FAM53B: variants seen among roughly 807,000 people sequenced by gnomAD.
The protein encoded by FAM53B is family with sequence similarity 53 member B, also known as protein FAM53B.
A neutral mutation model predicts 32.7 loss-of-function variants in FAM53B; 12 were observed. The ratio of observed to expected loss-of-function variants is 0.37; its 90% CI spans 0.24 to 0.59. The LOEUF (loss-of-function observed/expected upper bound fraction) is 0.59, where lower values mean the gene tolerates loss of function less well. Ranked by LOEUF, FAM53B falls within the 20% of genes least tolerant of loss-of-function variation. The pLI, the probability that FAM53B is intolerant of heterozygous loss-of-function variation, is 0.72. For missense variants in FAM53B, 477 were observed against 577.7 expected, an observed-to-expected ratio of 0.83 and a Z score of 1.79; for synonymous variants, 234 against 228.7, an observed-to-expected ratio of 1.02 and a Z score of -0.21.
chr10:124,689,796 A>G (rs554019779), intron 3 of FAM53B, among the ~76,000 whole-genome samples: 1 of 152,366 alleles, frequency 6.6e-6, no homozygotes, highest in South Asian at 2.1e-4. Flanking sequence ...AGATCCTCAC[A>G]GTTAAAAACC....
chr10:124,681,902 C>T lies in FAM53B; in HGVS notation c.611G>A (p.Cys204Tyr), dbSNP rs139630497. 1.1e-5 allele frequency: 18 copies of T among 1,613,806 alleles called. No homozygotes were observed. In the African/African-American group the frequency reaches 2.4e-4, roughly 22 times the overall value. Residue 204 changes from cysteine to tyrosine, a missense_variant, in exon 4 of 5, where the codon TGT (cysteine) becomes TAT (tyrosine). Physicochemically the swap from Cys to Tyr is radical, Grantham distance 194. Transcript: ENST00000337318. ...PCQGVPGSAP[C>Y]GQAGDTWSPD... is the part of the protein sequence containing the mutation. ...GCTCCAGGTGTCACCTGCCTGTCCA[C>T]ACGGGGCTGAGCCTGGCACCCCTTG...
At chr10:124,644,945 G>A (rs754205314) in intron 4 of FAM53B, among the ~76,000 whole-genome samples, 2 of 152,184 alleles carry the variant, frequency 1.3e-5, no homozygotes, top group Non-Finnish European at 2.9e-5. Context: ...AGTTCTGAGG[G>A]GCCTGCCTCT....
chr10:124,740,708 G>T (rs182337669), intron 1 of FAM53B, among the ~76,000 whole-genome samples: 1 of 152,338 alleles, frequency 6.6e-6, no homozygotes, highest in Admixed American at 6.5e-5. Flanking sequence ...CGTTGGACAA[G>T]TTTAAACAGA....
chr10:124,667,050 A>T, intron 4 of FAM53B: 1 of 277,402 alleles, frequency 3.6e-6, no homozygotes. Context: ...CCACACTCTT[A>T]TACCCGTACC....
Position 124,623,512 on chromosome 10 carries a change from G to C in FAM53B, c.999C>G (p.Thr333=). 6.3e-7 allele frequency: 1 copy of C among 1,595,516 alleles called. No individual in the cohort carries two copies. Among genetic ancestry groups the C allele is most frequent in the Non-Finnish European group, 8.5e-7 (1 of 1,171,844 alleles). The change falls in exon 5 of 5, where the codon ACC becomes ACG. Residue 333 remains threonine (T), a synonymous_variant. Coordinates refer to ENST00000337318, the MANE Select transcript of FAM53B (RefSeq NM_014661.4). The part of the protein sequence containing the change: ...QSPFARHVSN[T]RAWTALLSAS... ...CTGAGAGCAGGGCGGTCCAGGCCCT[G>C]GTGTTGCTGACGTGGCGGGCGAAGG...
rs1949557211 is a variant in FAM53B, at chr10:124,651,658, A to G, written c.907-28054T>C. 1.3e-5 allele frequency among the ~76,000 whole-genome samples: 2 copies of G among 151,496 alleles called. No homozygotes were observed. Among genetic ancestry groups the G allele is most frequent in the African/African-American group, 4.9e-5 (2 of 41,168 alleles). On this transcript the variant is annotated intron_variant, in intron 4 of 4. Transcript: ENST00000337318. This position sits in a 1 kb window ranked among gnomAD's most constrained non-coding sequence, Gnocchi z 5.2. ...CTCCTCATTTCCTCCTCAGGGGAGC[A>G]CTGTGGAGACTGTCAGCTGACTTCC...
At chr10:124,725,432 G>GA (rs1335209642) in intron 1 of FAM53B, among the ~76,000 whole-genome samples, 20 of 152,350 alleles carry the variant, frequency 1.3e-4, no homozygotes, top group Non-Finnish European at 2.2e-4. Flanking sequence ...ACTGCACGGA[G>GA]ACACTGATTT....
chr10:124,730,874 G>A (rs1950138187), intron 1 of FAM53B, among the ~76,000 whole-genome samples: 1 of 152,176 alleles, frequency 6.6e-6, no homozygotes, highest in African/African-American at 2.4e-5. Context: ...TAAAGGGCCA[G>A]GCAATAAATA....
At position 124,705,394 on chromosome 10, in the gene FAM53B, G is replaced by A. The variant is rs542499132; in HGVS notation, c.78+1242C>T. 1.1e-4 allele frequency among the ~76,000 whole-genome samples: 16 copies of A among 152,352 alleles called. No homozygotes were observed. In the East Asian group the frequency reaches 1.5e-3, roughly 15 times the overall value. On this transcript the variant is annotated intron_variant, in intron 2 of 4. Coordinates refer to ENST00000337318, the MANE Select transcript of FAM53B (RefSeq NM_014661.4). ...GTAAAACAAGGAGGCTGGACCCAAC[G>A]GTTTCTAAGCCACTTCTTCTCACCC... is the stretch of plus-strand genomic sequence containing the variant.
At chr10:124,689,279 A>T (rs954022894) in intron 3 of FAM53B, among the ~76,000 whole-genome samples, 2 of 151,974 alleles carry the variant, frequency 1.3e-5, no homozygotes, top group Non-Finnish European at 2.9e-5. Flanking sequence ...GGTGGGGGGG[A>T]CACAAGCAGG....
chr10:124,643,466 C>T (rs979646884), intron 4 of FAM53B, among the ~76,000 whole-genome samples: 14 of 152,256 alleles, frequency 9.2e-5, no homozygotes, highest in East Asian at 1.9e-4. Context: ...TACAGGTCCA[C>T]TTAAATCAGT....
chr10:124,641,987 C>T (rs923115266), intron 4 of FAM53B, among the ~76,000 whole-genome samples: 9 of 152,236 alleles, frequency 5.9e-5, no homozygotes, highest in Admixed American at 1.3e-4. Context: ...GGTCACCCAG[C>T]TGGAGAGCCG....
In FAM53B at chr10:124,626,609, G is replaced by A. The variant is rs1315801551; in HGVS notation, c.907-3005C>T. ...TGGCACCTGGATCTTGGACTTCCCA[G>A]CTTCTAACTAAGAAATACATTTCTG... is the stretch of plus-strand genomic sequence containing the variant. On this transcript the variant is annotated intron_variant, in intron 4 of 4. Transcript: ENST00000337318. 3.9e-5 allele frequency among the ~76,000 whole-genome samples: 6 copies of A among 152,194 alleles called. No homozygotes were observed. The East Asian group carries it at 1.2e-3, about 29-fold the overall frequency.
intron 1 of FAM53B, among the ~76,000 whole-genome samples, chr10:124,737,550 A>G (rs1168867754): frequency 1.3e-5 from 2 of 152,224 alleles, no homozygotes; most frequent in Admixed American, 6.5e-5. Context: ...CTCAGGAGAC[A>G]GAGTCTGCAC....
At chr10:124,630,441 T>G (rs1302854786) in intron 4 of FAM53B, among the ~76,000 whole-genome samples, 1 of 152,142 alleles carries the variant, frequency 6.6e-6, no homozygotes, top group African/African-American at 2.4e-5. Context: ...GGGGACAGCA[T>G]CATGCCCAGC....
chr10:124,664,449 A>C (rs1350198739), intron 4 of FAM53B, among the ~76,000 whole-genome samples: 1 of 152,244 alleles, frequency 6.6e-6, no homozygotes, highest in Admixed American at 6.5e-5. Flanking sequence ...TGGGCCGGGA[A>C]GGCAGAGACC....
intron 3 of FAM53B, among the ~76,000 whole-genome samples, chr10:124,685,930 C>T (rs1324158023): frequency 6.6e-6 from 1 of 152,192 alleles, no homozygotes; most frequent in African/African-American, 2.4e-5. Flanking sequence ...GCCACTGTTT[C>T]CGGGAAAGAA....
intron 4 of FAM53B, among the ~76,000 whole-genome samples, chr10:124,674,866 G>A (rs1430537837): frequency 6.6e-6 from 1 of 152,180 alleles, no homozygotes; most frequent in Admixed American, 6.5e-5. Flanking sequence ...AGCAGGGCCT[G>A]GCAAGCCAAG....
chr10:124,669,102 G>A (rs1949691593), intron 4 of FAM53B, among the ~76,000 whole-genome samples: 1 of 152,224 alleles, frequency 6.6e-6, no homozygotes, highest in South Asian at 2.1e-4. Flanking sequence ...GGTGTAGGGG[G>A]TAGAAGGCAG....
Sources: gnomAD v4.1 joint callset for allele counts (sites outside exome capture counted in the v4.1 genomes callset) on GRCh38, gnomAD v4.1.1 for gene constraint, Gnocchi (gnomAD v3.1) non-coding constraint, MANE v1.5 for transcripts, NCBI Gene and HGNC (gene_info 2026-07-23, HGNC 2026-07-21) for gene names.